Variants in GPSM2 observed in about 807,000 individuals in gnomAD.
GPSM2 encodes the protein G protein-signaling modulator 2.
A neutral mutation model predicts 78.4 loss-of-function variants in GPSM2; 58 were observed. The ratio of observed to expected loss-of-function variants is 0.74; its 90% CI spans 0.60 to 0.92. The LOEUF (loss-of-function observed/expected upper bound fraction) is 0.92, where lower values mean the gene tolerates loss of function less well. Ranked by LOEUF, GPSM2 falls within the 40% of genes least tolerant of loss-of-function variation. GPSM2 has a pLI of 0.00. For synonymous variants in GPSM2, 224 were observed against 280.2 expected (o/e 0.80, Z 2.00); for missense variants, 700 against 815.5 (o/e 0.86, Z 1.73).
At chr1:108,890,444 G>A in intron 2 of GPSM2, among the ~76,000 whole-genome samples, 1 of 152,188 alleles carries the variant, frequency 6.6e-6, no homozygotes, top group African/African-American at 2.4e-5. Context: ...CTGTGATACA[G>A]TCTAGATCAA....
chr1:108,896,830 T>TA lies in GPSM2; in HGVS notation c.57-33dup, dbSNP rs753253217. 10 of 1,440,024 alleles carry TA rather than the reference T, an allele frequency of 6.9e-6. No individual in the cohort carries two copies. In the South Asian group the frequency reaches 8.0e-5, roughly 12 times the overall value. The allele number at this position is 1,440,024 out of a possible 1,614,324, so 89.2% of individuals were successfully genotyped here. A position where few individuals can be genotyped will look rare whatever the true frequency, so the allele number is the denominator to read the frequency against. The stretch of plus-strand genomic sequence containing the variant: ...AAATACTGTGATGCAGCTGTAATGT[T>TA]ATGTTTAAATGTCTGTCCTGTATAA... On this transcript the variant is annotated intron_variant, in intron 2 of 14. Transcript: ENST00000264126.
At chr1:108,909,902 C>CAAAAAAAAAAAAAAAAAAAAAAAAAAA (rs34151964) in intron 10 of GPSM2, 1 of 50,628 alleles carries the variant, frequency 2.0e-5, no homozygotes. Context: ...ACGCCATCTC[C>CAAAAAAAAAAAAAAAAAAAAAAAAAAA]AAAAAAAAAA....
Position 108,898,888 on chromosome 1 carries a change from A to G in GPSM2, c.691A>G (p.Ile231Val), listed in dbSNP as rs1435970513. ...AAATTGTTTGTTTCAGCGTCTCCTTATTGCAAAAGAATTTGGAGATAAAGC... is the reference window on the plus strand; with the variant it reads ...AAATTGTTTGTTTCAGCGTCTCCTTGTTGCAAAAGAATTTGGAGATAAAGC... Reference protein sequence around the residue: ...AVIAHEQRLLIAKEFGDKAAE... With the variant: ...AVIAHEQRLLVAKEFGDKAAE... Residue 231 changes from isoleucine (I) to valine (V), a missense_variant, in exon 7 of 15, where the codon ATT becomes GTT. Physicochemically the swap from Ile to Val is conservative, Grantham distance 29 (BLOSUM62 3). Transcript: ENST00000264126. 3.7e-6 allele frequency: 6 copies of G among 1,609,992 alleles called. No homozygotes were observed. The South Asian group carries it at 5.5e-5, about 15-fold the overall frequency.
At chr1:108,878,431 C>G (rs1665738462) in intron 1 of GPSM2, among the ~76,000 whole-genome samples, 1 of 151,950 alleles carries the variant, frequency 6.6e-6, no homozygotes, top group Non-Finnish European at 1.5e-5. Context: ...TCTCCAAAAT[C>G]CTCTCTGGCC....
chr1:108,911,778 C>T (rs1649760020), intron 10 of GPSM2, among the ~76,000 whole-genome samples: 1 of 148,356 alleles, frequency 6.7e-6, no homozygotes, highest in Admixed American at 6.8e-5. Flanking sequence ...GGGTGATAAA[C>T]CATACTCAAG....
chr1:108,891,607 A>C (rs6664136), intron 2 of GPSM2, among the ~76,000 whole-genome samples: 3,168 of 147,168 alleles, frequency 0.022, 77 homozygotes, highest in Non-Finnish European at 0.026. Context: ...CTATCCTCCC[A>C]CCTCAGCCTC....
At chr1:108,920,564 G>C (rs1391206007) in intron 12 of GPSM2, among the ~76,000 whole-genome samples, 2 of 151,714 alleles carry the variant, frequency 1.3e-5, no homozygotes, top group Admixed American at 1.3e-4. Flanking sequence ...TCTTTTGTCA[G>C]CATTTCATTT....
intron 2 of GPSM2, among the ~76,000 whole-genome samples, chr1:108,893,792 C>T (rs912551783): frequency 3.3e-5 from 5 of 152,166 alleles, no homozygotes; most frequent in African/African-American, 7.2e-5. Context: ...CAGTGGCTCA[C>T]GCCTGTAATC....
rs757866175 is a variant in GPSM2 at position 108,929,817 on chromosome 1, T to C, written c.1932T>C (p.Asp644=). 1 of 1,614,148 alleles carries C rather than the reference T, an allele frequency of 6.2e-7. No homozygotes were observed. Among genetic ancestry groups the C allele is most frequent in the Non-Finnish European group, 8.5e-7 (1 of 1,179,998 alleles). Reference sequence around the variant, plus strand: ...TACGGTCCCAGGGAAAGAGAATGGATGAACAGAGAGTTCTTTTACAAAGAG... The same window carrying C: ...TACGGTCCCAGGGAAAGAGAATGGACGAACAGAGAGTTCTTTTACAAAGAG... ...LILRSQGKRM[D]EQRVLLQRDQ... The change falls in exon 15 of 15, where the codon GAT becomes GAC. Residue 644 remains aspartate (D), a synonymous_variant. Transcript: ENST00000264126.
At chr1:108,916,231 C>G (rs1570940213) in intron 11 of GPSM2, among the ~76,000 whole-genome samples, 4 of 151,368 alleles carry the variant, frequency 2.6e-5, no homozygotes, top group Admixed American at 2.6e-4. Context: ...TGCACTCTAG[C>G]CTGGGTGACA....
intron 2 of GPSM2, among the ~76,000 whole-genome samples, chr1:108,886,522 C>G (rs539437252): frequency 6.6e-6 from 1 of 152,218 alleles, no homozygotes; most frequent in Admixed American, 6.5e-5. Context: ...CTAGGACTTA[C>G]AGTGTTCCCT....
chr1:108,911,587 C>T (rs947998450), intron 10 of GPSM2, among the ~76,000 whole-genome samples: 10 of 152,042 alleles, frequency 6.6e-5, no homozygotes, highest in Non-Finnish European at 1.2e-4. Flanking sequence ...GGTCACTTTA[C>T]GGTGGTACTT....
intron 5 of GPSM2, 95 bp downstream of exon 5, chr1:108,898,196 A>G (rs1648524203): frequency 1.6e-6 from 2 of 1,214,818 alleles, no homozygotes; most frequent in South Asian, 1.2e-5. Flanking sequence ...TAAGTTTGGC[A>G]AAGATTTTAA....
chr1:108,904,432 T>G (rs1649073227), intron 10 of GPSM2, among the ~76,000 whole-genome samples, 178 bp downstream of exon 10: 1 of 148,284 alleles, frequency 6.7e-6, no homozygotes, highest in Non-Finnish European at 1.5e-5. Flanking sequence ...ATATTTTGTA[T>G]ATAATATATA....
intron 1 of GPSM2, among the ~76,000 whole-genome samples, chr1:108,879,959 T>A (rs1335999042): frequency 6.6e-6 from 1 of 152,222 alleles, no homozygotes; most frequent in South Asian, 2.1e-4. Flanking sequence ...TTCTGTGCAT[T>A]TCTACCCTCC....
chr1:108,917,611 CATATATATATATATATATATATATATAT>C (rs55909258), intron 11 of GPSM2, among the ~76,000 whole-genome samples: 647 of 22,740 alleles, frequency 0.028, 53 homozygotes, highest in Non-Finnish European at 0.04. Flanking sequence ...CACACACACA[CATATATATATATATATATATATATATAT>C]ATATATATAT....
intron 12 of GPSM2, among the ~76,000 whole-genome samples, chr1:108,921,568 TCA>T (rs1650711725): frequency 6.6e-6 from 1 of 152,312 alleles, no homozygotes. Context: ...TCATCTTATT[TCA>T]CATAGGATAA....
Position 108,914,352 on chromosome 1 carries a change from T to C in GPSM2, c.1207T>C (p.Leu403=). 6.2e-7 allele frequency: 1 copy of C among 1,611,970 alleles called. No homozygotes were observed. Among genetic ancestry groups the C allele is most frequent in the South Asian group, 1.1e-5 (1 of 90,988 alleles). The change falls in exon 11 of 15, where the codon TTG becomes CTG. Residue 403 remains leucine, a synonymous_variant. Coordinates refer to ENST00000264126, the MANE Select transcript of GPSM2 (RefSeq NM_013296.5). ...DSSLNGVRPK[L]GRRHSMENME... is the part of the protein sequence containing the mutation. ...TTTAAACAAAGGTGTACGCCCCAAG[T>C]TGGGACGCCGGCATAGTATGGAAAA...
chr1:108,927,569 T>TG (rs1462685847), intron 14 of GPSM2, among the ~76,000 whole-genome samples: 7 of 152,216 alleles, frequency 4.6e-5, no homozygotes, highest in African/African-American at 1.7e-4. Flanking sequence ...CAAATGGTTC[T>TG]GGGTAAACTA....
Sources: gnomAD v4.1 joint callset for allele counts (sites outside exome capture counted in the v4.1 genomes callset) on GRCh38, gnomAD v4.1.1 for gene constraint, MANE v1.5 for transcripts, NCBI Gene and HGNC (gene_info 2026-07-23, HGNC 2026-07-21) for gene names.